The following UBE2QL1 variants were observed in gnomAD, a reference collection of about 807,000 sequenced individuals.
The protein encoded by UBE2QL1 is ubiquitin conjugating enzyme E2 QL1.
Under a neutral mutation model 12.6 loss-of-function variants are expected in UBE2QL1, and 5 were observed. That is an observed-to-expected ratio of 0.40 (90% confidence interval 0.21 to 0.83). The LOEUF is 0.83. Among genes scored for constraint, UBE2QL1 ranks in the 40% least tolerant of loss-of-function variants. The pLI is 0.37. For synonymous variants in UBE2QL1, 96 were observed against 94.5 expected, an observed-to-expected ratio of 1.02 and a Z score of -0.10; for missense variants, 99 against 222.6, an observed-to-expected ratio of 0.44 and a Z score of 3.53.
intron 1 of UBE2QL1, among the ~76,000 whole-genome samples, chr5:6,484,751 C>G (rs1365269136): frequency 6.6e-6 from 1 of 151,870 alleles, no homozygotes; most frequent in Admixed American, 6.6e-5. Flanking sequence ...TCTTTCTCCC[C>G]CTCCCCTGTT....
chr5:6,457,985 C>T (rs898661423), intron 1 of UBE2QL1, among the ~76,000 whole-genome samples: 3 of 152,216 alleles, frequency 2.0e-5, no homozygotes, highest in African/African-American at 7.2e-5. Flanking sequence ...TCATCATAAG[C>T]TCCTTGTATT....
chr5:6,450,402 C>T (rs1739391949), intron 1 of UBE2QL1, among the ~76,000 whole-genome samples: 1 of 152,182 alleles, frequency 6.6e-6, no homozygotes, highest in Admixed American at 6.5e-5. Context: ...GTGTTATCTG[C>T]TCGAATTATA....
At chr5:6,489,044 T>C (rs910035790) in intron 1 of UBE2QL1, among the ~76,000 whole-genome samples, 3 of 152,214 alleles carry the variant, frequency 2.0e-5, no homozygotes, top group African/African-American at 7.2e-5. Flanking sequence ...GGGATGTTGC[T>C]AGCAGTCAAT....
chr5:6,470,343 CTG>C (rs1341404286), intron 1 of UBE2QL1, among the ~76,000 whole-genome samples: 6 of 152,216 alleles, frequency 3.9e-5, no homozygotes, highest in African/African-American at 1.2e-4. Flanking sequence ...GATTACGTGA[CTG>C]TGTGCAGAAT....
chr5:6,489,718 C>A (rs1398869345), intron 1 of UBE2QL1, among the ~76,000 whole-genome samples: 1 of 152,240 alleles, frequency 6.6e-6, no homozygotes, highest in Non-Finnish European at 1.5e-5. Flanking sequence ...ATTGCAGCTG[C>A]CTTCCCACTG....
intron 1 of UBE2QL1, among the ~76,000 whole-genome samples, chr5:6,461,674 A>G (rs1310865543): frequency 6.6e-6 from 1 of 151,998 alleles, no homozygotes; most frequent in African/African-American, 2.4e-5. Context: ...GGTTTGTAAT[A>G]TCAGCAAATA....
chr5:6,489,530 G>C (rs945725326), intron 1 of UBE2QL1, among the ~76,000 whole-genome samples: 1 of 152,216 alleles, frequency 6.6e-6, no homozygotes, highest in Admixed American at 6.5e-5. Context: ...AGCAGGCAGA[G>C]TTTGGTAACC....
Position 6,491,943 on chromosome 5 carries a change from C to G in UBE2QL1, c.*594C>G, listed in dbSNP as rs1734580325. The stretch of plus-strand genomic sequence containing the variant: ...CATGAAAACACAAATTTAACATTGC[C>G]AGGTTCTAGTGATTTAAAACCACAA... On this transcript the variant is annotated 3_prime_UTR_variant, in exon 2 of 2. Transcript: ENST00000399816. 1 of 152,234 alleles carries G rather than the reference C, an allele frequency of 6.6e-6. No individual in the cohort carries two copies. Among genetic ancestry groups the G allele is most frequent in the Admixed American group, 6.5e-5 (1 of 15,280 alleles). 9.4% of individuals were successfully genotyped at this position (152,234 alleles called of 1,614,324 possible).
rs1007018157 is a variant in UBE2QL1, at chr5:6,467,773, C to T, written c.354+18526C>T. 4.6e-5 allele frequency among the ~76,000 whole-genome samples: 7 copies of T among 152,126 alleles called. No homozygotes were observed. The South Asian group carries it at 6.2e-4, about 13-fold the overall frequency. On this transcript the variant is annotated intron_variant, in intron 1 of 1. Coordinates refer to ENST00000399816, the MANE Select transcript of UBE2QL1 (RefSeq NM_001145161.3). ...GCCCCACCGCCCCAGCCTCTCCACC[C>T]GCGCCCCCCAGACTGTGTTCCTTCC...
At chr5:6,474,809 C>T (rs1357848604) in intron 1 of UBE2QL1, among the ~76,000 whole-genome samples, 1 of 152,182 alleles carries the variant, frequency 6.6e-6, no homozygotes, top group East Asian at 1.9e-4. Context: ...TCCATCCTCA[C>T]ACGTGGTGAG....
intron 1 of UBE2QL1, among the ~76,000 whole-genome samples, chr5:6,459,602 A>C (rs1739608781): frequency 6.6e-6 from 1 of 152,254 alleles, no homozygotes; most frequent in Non-Finnish European, 1.5e-5. Context: ...AGCCAATTAT[A>C]TTTAAATACA....
intron 1 of UBE2QL1, among the ~76,000 whole-genome samples, chr5:6,468,568 T>C (rs1200322407): frequency 6.6e-6 from 1 of 152,204 alleles, no homozygotes; most frequent in African/African-American, 2.4e-5. Flanking sequence ...GAAATGATCA[T>C]GGGGAATCTT....
chr5:6,491,193 T>C, intron 1 of UBE2QL1, 25 bp from the exon 2 acceptor site: 1 of 1,520,454 alleles, frequency 6.6e-7, no homozygotes, highest in African/African-American at 1.4e-5. Flanking sequence ...CGTTCTAACC[T>C]GGTTTTTCTT....
chr5:6,479,134 G>T lies in UBE2QL1; in HGVS notation c.355-12084G>T, dbSNP rs1734310269. On this transcript the variant is annotated intron_variant, in intron 1 of 1. Transcript: ENST00000399816. This position sits in a 1 kb window ranked among gnomAD's most constrained non-coding sequence, Gnocchi z 4.2. ...TGGGCATCTAGGGACACACAGCACG[G>T]GAGGCCACAGAGCTGAGTGAGCAGA... Among the ~76,000 whole-genome samples, 1 of 152,082 alleles carries T rather than the reference G, an allele frequency of 6.6e-6. No homozygotes were observed. The highest frequency in any genetic ancestry group is 2.4e-5 in the African/African-American group (1 of 41,412).
intron 1 of UBE2QL1, among the ~76,000 whole-genome samples, chr5:6,464,958 T>C (rs1739754192): frequency 1.3e-5 from 2 of 152,238 alleles, no homozygotes; most frequent in African/African-American, 2.4e-5. Context: ...CTCAGGCACT[T>C]TTTAACTATA....
intron 1 of UBE2QL1, among the ~76,000 whole-genome samples, chr5:6,480,171 G>T (rs367957923): frequency 2.6e-5 from 4 of 152,342 alleles, no homozygotes; most frequent in African/African-American, 9.6e-5. Context: ...AGCTGGCCTG[G>T]CCTTGGGGTT....
Position 6,476,535 on chromosome 5 carries a change from A to G in UBE2QL1, c.355-14683A>G, listed in dbSNP as rs952799063. ...ATGAGACAATGACCTCAAAACGGAA[A>G]CACCTGGGGGGCTCGGTTAAAGAGC... On this transcript the variant is annotated intron_variant, in intron 1 of 1. Coordinates refer to ENST00000399816, the MANE Select transcript of UBE2QL1 (RefSeq NM_001145161.3). The surrounding 1 kb of genome is among the most constrained non-coding windows in gnomAD (Gnocchi z 4.9). Among the ~76,000 whole-genome samples the G allele has an allele frequency of 3.9e-5, 6 of 152,068 alleles. No homozygotes were observed. Among genetic ancestry groups the G allele is most frequent in the African/African-American group, 9.7e-5 (4 of 41,396 alleles).
At chr5:6,490,276 T>A (rs142074796) in intron 1 of UBE2QL1, among the ~76,000 whole-genome samples, 2,810 of 152,334 alleles carry the variant, frequency 0.018, 50 homozygotes, top group Middle Eastern at 0.034. Context: ...CTCCTGGTTG[T>A]CTTCCATCTG....
intron 1 of UBE2QL1, among the ~76,000 whole-genome samples, chr5:6,452,359 C>T (rs1444798164): frequency 6.6e-6 from 1 of 152,082 alleles, no homozygotes; most frequent in Non-Finnish European, 1.5e-5. Context: ...ATATAAATTT[C>T]CTCTATGATA....
Sources: allele counts gnomAD v4.1 joint callset (sites outside exome capture counted in the v4.1 genomes callset), GRCh38; gene constraint gnomAD v4.1.1; non-coding constraint Gnocchi (gnomAD v3.1); transcripts MANE v1.5; gene names NCBI Gene and HGNC (gene_info 2026-07-23, HGNC 2026-07-21).